The following CUTC variants were observed in gnomAD, a reference collection of about 807,000 sequenced individuals.
The protein encoded by CUTC is copper homeostasis protein cutC homolog.
A neutral mutation model predicts 36.2 loss-of-function variants in CUTC; 27 were observed. The observed-to-expected ratio is 0.75, with a 90% CI of 0.55 to 1.03. The LOEUF (loss-of-function observed/expected upper bound fraction) is 1.03. CUTC is among the 50% of genes least tolerant of loss of function. CUTC has a pLI of 0.00. For missense variants in CUTC, 315 were observed against 343.5 expected (o/e 0.92, Z 0.66); for synonymous variants, 114 against 118.3 (o/e 0.96, Z 0.24).
intron 5 of CUTC, among the ~76,000 whole-genome samples, chr10:99,746,575 C>G (rs1316913068): frequency 6.6e-6 from 1 of 151,716 alleles, no homozygotes; most frequent in Non-Finnish European, 1.5e-5. Flanking sequence ...ATATTGAAAA[C>G]TTTTCATTTC....
At chr10:99,735,118 A>C (rs921451600) in intron 1 of CUTC, among the ~76,000 whole-genome samples, 26 of 151,242 alleles carry the variant, frequency 1.7e-4, no homozygotes, top group African/African-American at 5.8e-4. Context: ...AAAAAAAAAA[A>C]AAAAAAAACA....
chr10:99,751,261 A>C (rs1590122470), intron 7 of CUTC, among the ~76,000 whole-genome samples: 1 of 55,070 alleles, frequency 1.8e-5, no homozygotes, highest in Non-Finnish European at 4.3e-5. Flanking sequence ...TTTAATACTC[A>C]ACTTTCTCCA....
In CUTC at chr10:99,747,259, T is replaced by C; in HGVS notation, c.442T>C (p.Phe148Leu). 1 of 1,612,256 alleles carries C rather than the reference T, an allele frequency of 6.2e-7. No individual in the cohort carries two copies. The highest frequency in any genetic ancestry group is 8.5e-7 in the Non-Finnish European group (1 of 1,179,482). ...RPLPVTFHRAFDMVHDPMAAL... is the reference protein window; with the variant it reads ...RPLPVTFHRALDMVHDPMAAL... ...CACATCAGTTTTATTTATTTCAGCCTTTGACATGGTTCATGATCCAATGGC... is the reference window on the plus strand; with the variant it reads ...CACATCAGTTTTATTTATTTCAGCCCTTGACATGGTTCATGATCCAATGGC... Residue 148 changes from phenylalanine to leucine, a missense_variant and splice_region_variant, in exon 6 of 9, where the codon TTT becomes CTT. Coordinates refer to ENST00000370476, the MANE Select transcript of CUTC (RefSeq NM_015960.3).
At chr10:99,743,628 C>T (rs2037356642) in intron 4 of CUTC, among the ~76,000 whole-genome samples, 2 of 152,138 alleles carry the variant, frequency 1.3e-5, no homozygotes, top group Admixed American at 6.5e-5. Context: ...ACCATGGTTC[C>T]TTTAACCACT....
intron 6 of CUTC, among the ~76,000 whole-genome samples, chr10:99,748,865 T>C (rs2756115): frequency 0.3 from 45,178 of 152,054 alleles, 7,524 homozygotes; most frequent in Middle Eastern, 0.43. Flanking sequence ...CAAGCATAAC[T>C]TAAAACACTG....
intron 6 of CUTC, among the ~76,000 whole-genome samples, chr10:99,750,018 T>C (rs1179046099): frequency 3.3e-5 from 5 of 152,050 alleles, no homozygotes; most frequent in African/African-American, 1.2e-4. Flanking sequence ...AGAGATTTTA[T>C]CACATAAGTA....
intron 7 of CUTC, among the ~76,000 whole-genome samples, chr10:99,752,945 C>A (rs2037430465): frequency 6.6e-6 from 1 of 152,160 alleles, no homozygotes; most frequent in South Asian, 2.1e-4. Context: ...CTAGGTAAGT[C>A]ATTCTGAATG....
intron 6 of CUTC, among the ~76,000 whole-genome samples, chr10:99,749,910 C>A (rs1332037350): frequency 6.6e-6 from 1 of 152,088 alleles, no homozygotes; most frequent in African/African-American, 2.4e-5. Context: ...TTCTCTTACT[C>A]ACCATGTCAG....
chr10:99,756,122 T>G lies in CUTC; in HGVS notation c.*383T>G, dbSNP rs2037455633. 1.2e-5 allele frequency: 2 copies of G among 167,866 alleles called. No homozygotes were observed. The highest frequency in any genetic ancestry group is 6.1e-5 in the Admixed American group (1 of 16,312). The allele number at this position is 167,866 out of a possible 1,614,324, so 10.4% of individuals were successfully genotyped here. On this transcript the variant is annotated 3_prime_UTR_variant, in exon 9 of 9. Transcript: ENST00000370476. ...GACTTTTCATTTGTAAAATAAAAAT[T>G]TCCACTATTACAGTATAGTCTCTTA...
Position 99,755,813 on chromosome 10 carries a change from C to T in CUTC, c.*74C>T. On this transcript the variant is annotated 3_prime_UTR_variant, in exon 9 of 9. Transcript: ENST00000370476. Reference sequence around the variant, plus strand: ...TAATCTGCAATTCTCTATGACACAGCTTTAACCTTCTTCTCTGGCCAGGAC... The same window carrying T: ...TAATCTGCAATTCTCTATGACACAGTTTTAACCTTCTTCTCTGGCCAGGAC... The T allele has an allele frequency of 1.1e-6, 1 of 932,940 alleles. No individual in the cohort carries two copies. The allele number at this position is 932,940 out of a possible 1,614,324, so 57.8% of individuals were successfully genotyped here. A position where few individuals can be genotyped will look rare whatever the true frequency, so the allele number is the denominator to read the frequency against.
intron 3 of CUTC, among the ~76,000 whole-genome samples, chr10:99,740,015 G>C (rs1239010348): frequency 6.6e-6 from 1 of 152,108 alleles, no homozygotes; most frequent in Non-Finnish European, 1.5e-5. Context: ...GTAACATCAA[G>C]GATTAGGCTT....
chr10:99,747,485 A>G lies in CUTC; in HGVS notation c.573+95A>G, dbSNP rs2133675682. 5 of 1,400,850 alleles carry G rather than the reference A, an allele frequency of 3.6e-6. No individual in the cohort carries two copies. In the South Asian group the frequency reaches 3.9e-5, roughly 11 times the overall value. The allele number at this position is 1,400,850 out of a possible 1,614,324, so 86.8% of individuals were successfully genotyped here. On this transcript the variant is annotated intron_variant, in intron 6 of 8. Transcript: ENST00000370476. Reference sequence around the variant, plus strand: ...CAGTTTGTGAGACTATATATTACTGACTTTGTGGTTACTCTGTAGGAAAAG... The same window carrying G: ...CAGTTTGTGAGACTATATATTACTGGCTTTGTGGTTACTCTGTAGGAAAAG...
Position 99,732,389 on chromosome 10 carries a change from G to C in CUTC, c.41G>C (p.Arg14Pro), listed in dbSNP as rs1372170541. 1.9e-6 allele frequency: 3 copies of C among 1,552,766 alleles called. No individual in the cohort carries two copies. Among genetic ancestry groups the C allele is most frequent in the Non-Finnish European group, 2.6e-6 (3 of 1,148,010 alleles). ...GCCTCCTCTGAGCGAAAACGAGCGCGGATACCGTCCGGGAAGGCCGGTGCG... is the reference window on the plus strand; with the variant it reads ...GCCTCCTCTGAGCGAAAACGAGCGCCGATACCGTCCGGGAAGGCCGGTGCG... ...QGASSERKRARIPSGKAGAAN... is the reference protein window; with the variant it reads ...QGASSERKRAPIPSGKAGAAN... The change falls in exon 1 of 9, where the codon CGG becomes CCG. Residue 14 changes from arginine to proline, a missense_variant. By Grantham distance (103) the Arg-to-Pro change is moderately radical. Coordinates refer to ENST00000370476, the MANE Select transcript of CUTC (RefSeq NM_015960.3).
intron 5 of CUTC, among the ~76,000 whole-genome samples, chr10:99,745,975 T>G (rs556239623): frequency 6.6e-6 from 1 of 152,352 alleles, no homozygotes; most frequent in East Asian, 1.9e-4. Context: ...TATTAGTCAG[T>G]AATGAGAATG....
At position 99,734,644 on chromosome 10, in the gene CUTC, T is replaced by C. The variant is rs563821312; in HGVS notation, c.62-1602T>C. 3.9e-5 allele frequency among the ~76,000 whole-genome samples: 6 copies of C among 152,316 alleles called. No homozygotes were observed. In the East Asian group the frequency reaches 9.6e-4, roughly 24 times the overall value. ...TTGTTTCGTTCATTTTTTTAAATTA[T>C]GTGCTCCCGGAAAAAAACTCAAAAC... On this transcript the variant is annotated intron_variant, in intron 1 of 8. Transcript: ENST00000370476.
rs1482198675 is a variant in CUTC, at chr10:99,733,881, TC to T, written c.61+1474del. Reference sequence around the variant, plus strand: ...CTTTTTTATACATCTCTCCATCTTCTCCTGCCTAGGGTCCTTTCTTGTGTGA... The same window carrying T: ...CTTTTTTATACATCTCTCCATCTTCTCTGCCTAGGGTCCTTTCTTGTGTGA... On this transcript the variant is annotated intron_variant, in intron 1 of 8. Coordinates refer to ENST00000370476, the MANE Select transcript of CUTC (RefSeq NM_015960.3). 5.3e-5 allele frequency among the ~76,000 whole-genome samples: 8 copies of T among 152,202 alleles called. No individual in the cohort carries two copies. The East Asian group carries it at 1.2e-3, about 22-fold the overall frequency.
intron 1 of CUTC, among the ~76,000 whole-genome samples, chr10:99,732,781 A>G (rs1045611697): frequency 1.8e-4 from 27 of 152,166 alleles, no homozygotes; most frequent in African/African-American, 6.3e-4. Flanking sequence ...CGCGGAGCCC[A>G]GTTCCTAACC....
chr10:99,752,444 T>C (rs1382321355), intron 7 of CUTC, among the ~76,000 whole-genome samples: 2 of 152,040 alleles, frequency 1.3e-5, no homozygotes, highest in Admixed American at 6.6e-5. Flanking sequence ...CTTTGACCTA[T>C]AACAAGCCCT....
rs2037294370 is a variant in CUTC at position 99,736,094 on chromosome 10, G to T, written c.62-152G>T. ...TAGGCATCAATTCAATAATTAATGT[G>T]ATATTTTATTGCATTCATGGGCCCT... On this transcript the variant is annotated intron_variant, in intron 1 of 8. Coordinates refer to ENST00000370476, the MANE Select transcript of CUTC (RefSeq NM_015960.3). 6 of 598,782 alleles carry T rather than the reference G, an allele frequency of 1.0e-5. No individual in the cohort carries two copies. The East Asian group carries it at 1.7e-4, about 17-fold the overall frequency. The allele number at this position is 598,782 out of a possible 1,614,324, so 37.1% of individuals were successfully genotyped here.
Sources: allele counts gnomAD v4.1 joint callset (sites outside exome capture counted in the v4.1 genomes callset), GRCh38; gene constraint gnomAD v4.1.1; transcripts MANE v1.5; gene names NCBI Gene and HGNC (gene_info 2026-07-23, HGNC 2026-07-21).